BBX: variants seen among roughly 807,000 people sequenced by gnomAD.
The protein encoded by BBX is BBX high mobility group box domain containing, also known as HMG box transcription factor BBX.
In BBX, 30 loss-of-function variants were observed where a neutral mutation model predicts 100.2. The observed-to-expected ratio is 0.30, with a 90% confidence interval of 0.22 to 0.41. The LOEUF (loss-of-function observed/expected upper bound fraction) is 0.41, where lower values mean the gene tolerates loss of function less well. Ranked by LOEUF, BBX falls within the 10% of genes least tolerant of loss-of-function variation. BBX has a pLI of 1.00. For synonymous variants in BBX, 376 were observed against 388.1 expected (o/e 0.97, Z 0.37); for missense variants, 1,023 against 1,129.8 (o/e 0.91, Z 1.35).
intron 3 of BBX, among the ~76,000 whole-genome samples, chr3:107,706,756 A>C (rs935398246): frequency 6.6e-6 from 1 of 152,200 alleles, no homozygotes; most frequent in African/African-American, 2.4e-5. Flanking sequence ...TGGCAAAATA[A>C]TGACAAGATT....
Position 107,716,625 on chromosome 3 carries a change from G to T in BBX, c.181G>T (p.Asp61Tyr). The T allele has an allele frequency of 6.2e-7, 1 of 1,613,594 alleles. No homozygotes were observed. Among genetic ancestry groups the T allele is most frequent in the Non-Finnish European group, 8.5e-7 (1 of 1,179,664 alleles). ...GTAATAGGTTCAACTTCTTGGGGCC[G>T]ATGGCCTAGAGCAAGATGTTGGTGA... ...DIDKVQLLGA[D>Y]GLEQDVGETE... is the part of the protein sequence containing the mutation. Residue 61 changes from aspartate (D) to tyrosine (Y), a missense_variant, in exon 5 of 18, where the codon GAT becomes TAT. Transcript: ENST00000325805.
chr3:107,568,507 C>T (rs564671303), intron 2 of BBX, among the ~76,000 whole-genome samples: 163 of 152,122 alleles, frequency 1.1e-3, no homozygotes, highest in African/African-American at 3.6e-3. Context: ...CTTGTGATCC[C>T]CTCGGCCTCC....
intron 2 of BBX, among the ~76,000 whole-genome samples, chr3:107,640,816 C>T (rs1357981098): frequency 6.6e-6 from 1 of 152,004 alleles, no homozygotes; most frequent in African/African-American, 2.4e-5. Flanking sequence ...CATCCAACAC[C>T]ATGCCCAACT....
chr3:107,550,227 A>G (rs1370524290), intron 2 of BBX, among the ~76,000 whole-genome samples: 1 of 152,172 alleles, frequency 6.6e-6, no homozygotes, highest in East Asian at 1.9e-4. Flanking sequence ...AAGGGGAATA[A>G]TCTAGCACAT....
chr3:107,744,058 C>T (rs1004772012), intron 7 of BBX, among the ~76,000 whole-genome samples: 36 of 150,706 alleles, frequency 2.4e-4, no homozygotes, highest in African/African-American at 8.3e-4. Context: ...CCCCTAGACT[C>T]TCTAACTTCA....
At chr3:107,765,243 T>G (rs904333333) in intron 10 of BBX, among the ~76,000 whole-genome samples, 2 of 152,330 alleles carry the variant, frequency 1.3e-5, no homozygotes, top group African/African-American at 4.8e-5. Context: ...GGCACTATTT[T>G]AAGTACTGTT....
intron 2 of BBX, among the ~76,000 whole-genome samples, chr3:107,555,563 A>G (rs896134667): frequency 6.6e-6 from 1 of 152,148 alleles, no homozygotes; most frequent in Non-Finnish European, 1.5e-5. Flanking sequence ...CTACTATCCC[A>G]CTCATGTTTA....
At chr3:107,615,436 T>A (rs1409252511) in intron 2 of BBX, among the ~76,000 whole-genome samples, 1 of 152,172 alleles carries the variant, frequency 6.6e-6, no homozygotes, top group Non-Finnish European at 1.5e-5. Flanking sequence ...ATAAGGTGTC[T>A]GGTTCATAGA....
intron 2 of BBX, among the ~76,000 whole-genome samples, chr3:107,644,760 C>G (rs1459893083): frequency 6.6e-6 from 1 of 152,054 alleles, no homozygotes; most frequent in Admixed American, 6.5e-5. Flanking sequence ...AGTATCTTGC[C>G]TGAAGCCACA....
intron 10 of BBX, among the ~76,000 whole-genome samples, chr3:107,767,342 G>A (rs1291317595): frequency 6.6e-6 from 1 of 151,998 alleles, no homozygotes; most frequent in East Asian, 1.9e-4. Context: ...GAGGCATCAG[G>A]GTAAGGCAGA....
At chr3:107,716,954 G>C in intron 5 of BBX, 105 bp downstream of exon 5, 1 of 1,363,504 alleles carries the variant, frequency 7.3e-7, no homozygotes, top group Non-Finnish European at 1.0e-6. Flanking sequence ...ATGAGAAGGT[G>C]AATCATAAAT....
chr3:107,697,662 C>A (rs570233218), intron 3 of BBX, among the ~76,000 whole-genome samples: 1 of 151,838 alleles, frequency 6.6e-6, no homozygotes, highest in African/African-American at 2.4e-5. Flanking sequence ...TTGTCTGTGC[C>A]CTGCCCCCAG....
intron 3 of BBX, among the ~76,000 whole-genome samples, chr3:107,692,632 A>C (rs1276649695): frequency 6.6e-6 from 1 of 151,724 alleles, no homozygotes; most frequent in African/African-American, 2.4e-5. Flanking sequence ...AGTCTTTGCT[A>C]TTGTGAATAG....
At chr3:107,627,643 CTT>C (rs1559891152) in intron 2 of BBX, among the ~76,000 whole-genome samples, 1 of 152,006 alleles carries the variant, frequency 6.6e-6, no homozygotes, top group African/African-American at 2.4e-5. Context: ...TAAACTTTTA[CTT>C]TCTCTAAGTT....
intron 7 of BBX, among the ~76,000 whole-genome samples, chr3:107,743,587 T>C (rs75122920): frequency 1.4e-3 from 215 of 152,344 alleles, no homozygotes; most frequent in Middle Eastern, 3.4e-3. Context: ...CCCAGTGGCC[T>C]GTGACATTGT....
chr3:107,702,598 A>G (rs2061146760), intron 3 of BBX, among the ~76,000 whole-genome samples: 1 of 152,202 alleles, frequency 6.6e-6, no homozygotes, highest in African/African-American at 2.4e-5. Flanking sequence ...ACAGATCCAA[A>G]AAAAGCATCT....
At chr3:107,548,099 G>A (rs898678768) in intron 2 of BBX, among the ~76,000 whole-genome samples, 3 of 152,140 alleles carry the variant, frequency 2.0e-5, no homozygotes, top group African/African-American at 7.2e-5. Flanking sequence ...AGGTTTGGAC[G>A]TATGATTGTG....
At chr3:107,567,835 G>A (rs1207585440) in intron 2 of BBX, among the ~76,000 whole-genome samples, 1 of 151,586 alleles carries the variant, frequency 6.6e-6, no homozygotes, top group African/African-American at 2.4e-5. Flanking sequence ...TGCTCTATTG[G>A]TTTGAATAGC....
intron 3 of BBX, among the ~76,000 whole-genome samples, chr3:107,707,032 T>A (rs936574157): frequency 3.3e-5 from 5 of 152,238 alleles, no homozygotes; most frequent in Non-Finnish European, 7.3e-5. Flanking sequence ...CTATAAATTA[T>A]TAAAGTGCAC....
Sources: gnomAD v4.1 joint callset for allele counts (sites outside exome capture counted in the v4.1 genomes callset) on GRCh38, gnomAD v4.1.1 for gene constraint, MANE v1.5 for transcripts, NCBI Gene and HGNC (gene_info 2026-07-23, HGNC 2026-07-21) for gene names.